The following FAM107B variants were observed in gnomAD, a reference collection of about 807,000 sequenced individuals.
The protein encoded by FAM107B is family with sequence similarity 107 member B, also known as protein FAM107B.
Under a neutral mutation model 31.5 loss-of-function variants are expected in FAM107B, and 21 were observed. The observed-to-expected ratio is 0.67, with a 90% CI of 0.47 to 0.96. The LOEUF is 0.96. Among genes scored for constraint, FAM107B ranks in the 40% least tolerant of loss-of-function variants. FAM107B has a pLI of 0.00. For synonymous variants in FAM107B, 157 were observed against 141.5 expected (o/e 1.11, Z -0.78); for missense variants, 452 against 377.1 (o/e 1.20, Z -1.64).
At chr10:14,540,608 G>C (rs1848094837) in intron 2 of FAM107B, among the ~76,000 whole-genome samples, 1 of 152,176 alleles carries the variant, frequency 6.6e-6, no homozygotes, top group African/African-American at 2.4e-5. Context: ...GCCACCAGCA[G>C]TCCAGGCAGA....
rs140652288 is a variant in FAM107B, at chr10:14,546,642, C to A, written c.470-16127G>T. On this transcript the variant is annotated intron_variant, in intron 2 of 4. Transcript: ENST00000181796. ...AGCTACAATGTTTAAAAACCAGTGA[C>A]TGCTCAGACACGGTTATTTAGACAT... 6.0e-4 allele frequency among the ~76,000 whole-genome samples: 91 copies of A among 152,314 alleles called. 1 individual carries two copies. The highest frequency in any genetic ancestry group is 2.0e-3 in the African/African-American group (84 of 41,568).
At chr10:14,692,870 G>A (rs1161831059) in intron 1 of FAM107B, among the ~76,000 whole-genome samples, 1 of 152,174 alleles carries the variant, frequency 6.6e-6, no homozygotes, top group East Asian at 1.9e-4. Context: ...TATGTGGCCA[G>A]TGACTTTTAC....
chr10:14,588,953 A>C (rs1386351717), intron 2 of FAM107B, among the ~76,000 whole-genome samples: 1 of 152,124 alleles, frequency 6.6e-6, no homozygotes, highest in African/African-American at 2.4e-5. Flanking sequence ...AGGCCAAAGC[A>C]GGCAGATCAC....
chr10:14,602,999 C>CCACACACACACACA (rs10546149), intron 2 of FAM107B: 2 of 146,866 alleles, frequency 1.4e-5, no homozygotes, highest in African/African-American at 5.0e-5. Context: ...ACCCTCTTTC[C>CCACACACACACACA]CACACACACA....
At chr10:14,683,346 T>G (rs1564624491) in intron 1 of FAM107B, among the ~76,000 whole-genome samples, 2 of 152,208 alleles carry the variant, frequency 1.3e-5, no homozygotes, top group African/African-American at 4.8e-5. Flanking sequence ...AATGAGTGAT[T>G]GTTCCACACC....
intron 2 of FAM107B, among the ~76,000 whole-genome samples, chr10:14,667,111 A>T (rs1854421731): frequency 6.6e-6 from 1 of 152,236 alleles, no homozygotes; most frequent in African/African-American, 2.4e-5. Context: ...ACATCTCATT[A>T]TCATTACAGA....
intron 1 of FAM107B, chr10:14,723,936 T>C: frequency 1.3e-6 from 1 of 750,648 alleles, no homozygotes; most frequent in East Asian, 2.5e-5. Flanking sequence ...CACTTTTCCT[T>C]TTATAGATGT....
At chr10:14,772,628 G>A (rs1236222426) in intron 1 of FAM107B, among the ~76,000 whole-genome samples, 1 of 152,112 alleles carries the variant, frequency 6.6e-6, no homozygotes, top group African/African-American at 2.4e-5. Flanking sequence ...CTGCCTCATG[G>A]AGCCCCTCCC....
rs1421915734 is a variant in FAM107B, at chr10:14,628,120, T to TTGTTTTTTTTTTTTTTG, written c.469+39513_469+39514insCAAAAAAAAAAAAAACA. On this transcript the variant is annotated intron_variant, in intron 2 of 4. Transcript: ENST00000181796. ...TGTTTTTTGTTTTGCTGGTTTTTTT[T>TTGTTTTTTTTTTTTTTG]TTTTTTTTTTTTTGAGATGGAGTTT... is the stretch of plus-strand genomic sequence containing the variant. Among the ~76,000 whole-genome samples the TTGTTTTTTTTTTTTTTG allele has an allele frequency of 3.2e-5, 4 of 123,814 alleles. 1 individual carries two copies. The highest frequency in any genetic ancestry group is 6.6e-5 in the Non-Finnish European group (4 of 60,920). 81.2% of individuals were successfully genotyped at this position (123,814 alleles called of 152,430 possible). A position where few individuals can be genotyped will look rare whatever the true frequency, so the allele number is the denominator to read the frequency against.
chr10:14,521,177 G>C lies in FAM107B; in HGVS notation c.*13C>G, dbSNP rs1255377784. The C allele has an allele frequency of 6.2e-6, 10 of 1,607,936 alleles. No individual in the cohort carries two copies. The highest frequency in any genetic ancestry group is 1.7e-6 in the Non-Finnish European group (2 of 1,174,580). The stretch of plus-strand genomic sequence containing the variant: ...CTGTGGGGTGACACACGAGGTCTTG[G>C]TGCAGCCTCAGCCTAGGACTCCTGG... On this transcript the variant is annotated 3_prime_UTR_variant, in exon 5 of 5. Transcript: ENST00000181796.
intron 2 of FAM107B, among the ~76,000 whole-genome samples, chr10:14,598,211 T>C (rs1376349878): frequency 6.6e-6 from 1 of 152,200 alleles, no homozygotes; most frequent in African/African-American, 2.4e-5. Flanking sequence ...GTTTGTTGAC[T>C]GTGCTTTTAG....
At chr10:14,558,000 T>C (rs1849847097) in intron 2 of FAM107B, among the ~76,000 whole-genome samples, 1 of 152,260 alleles carries the variant, frequency 6.6e-6, no homozygotes, top group Non-Finnish European at 1.5e-5. Context: ...AAAATGTTTT[T>C]AGAAAAAGAT....
rs972680128 is a variant in FAM107B at position 14,520,863 on chromosome 10, G to T, written c.*327C>A. ...AAACTTGGAATGGAAGAAAAACCAA[G>T]TAGTGCAACTCTCAAGAATTGATTC... On this transcript the variant is annotated 3_prime_UTR_variant, in exon 5 of 5. Coordinates refer to ENST00000181796, the MANE Select transcript of FAM107B (RefSeq NM_031453.4). 7.4e-5 allele frequency: 18 copies of T among 244,138 alleles called. No homozygotes were observed. The highest frequency in any genetic ancestry group is 1.7e-4 in the Admixed American group (3 of 17,990). The allele number at this position is 244,138 out of a possible 1,614,324, so 15.1% of individuals were successfully genotyped here.
intron 1 of FAM107B, among the ~76,000 whole-genome samples, chr10:14,680,296 G>A (rs10906745): frequency 0.34 from 52,108 of 151,920 alleles, 10,201 homozygotes; most frequent in Non-Finnish European, 0.44. Flanking sequence ...GAGAGGGGCC[G>A]GGTGCGGTGG....
intron 1 of FAM107B, among the ~76,000 whole-genome samples, chr10:14,761,106 A>C (rs1833038092): frequency 6.6e-6 from 1 of 152,076 alleles, no homozygotes; most frequent in South Asian, 2.1e-4. Context: ...GGAACACATA[A>C]TTTCAAATAA....
chr10:14,763,689 T>C (rs1833104199), intron 1 of FAM107B, among the ~76,000 whole-genome samples: 1 of 152,082 alleles, frequency 6.6e-6, no homozygotes. Flanking sequence ...ATCTGGGAGA[T>C]CCATCACCTC....
At chr10:14,650,367 G>C (rs1174048877) in intron 2 of FAM107B, among the ~76,000 whole-genome samples, 1 of 151,814 alleles carries the variant, frequency 6.6e-6, no homozygotes, top group East Asian at 1.9e-4. Flanking sequence ...GTGGCATGAT[G>C]ATCTGCCTCC....
intron 2 of FAM107B, among the ~76,000 whole-genome samples, chr10:14,641,578 C>T (rs1324913666): frequency 2.0e-5 from 3 of 152,194 alleles, no homozygotes; most frequent in East Asian, 1.9e-4. Flanking sequence ...AGATGGCCAC[C>T]TTCTTGCTGT....
chr10:14,772,499 C>T (rs1399604004), intron 1 of FAM107B, among the ~76,000 whole-genome samples: 5 of 151,894 alleles, frequency 3.3e-5, no homozygotes, highest in African/African-American at 1.2e-4. Flanking sequence ...AGAATAGATG[C>T]CCATTTACCC....
Sources: allele counts gnomAD v4.1 joint callset (sites outside exome capture counted in the v4.1 genomes callset), GRCh38; gene constraint gnomAD v4.1.1; transcripts MANE v1.5; gene names NCBI Gene and HGNC (gene_info 2026-07-23, HGNC 2026-07-21).